Variants in GRM7 observed in about 807,000 individuals in gnomAD.
GRM7 encodes the protein glutamate metabotropic receptor 7, also known as metabotropic glutamate receptor 7.
Under a neutral mutation model 84.5 loss-of-function variants are expected in GRM7, and 35 were observed. The ratio of observed to expected loss-of-function variants is 0.41; its 90% CI spans 0.32 to 0.55. The LOEUF (loss-of-function observed/expected upper bound fraction) is 0.55, where lower values mean the gene tolerates loss of function less well. Among genes scored for constraint, GRM7 ranks in the 20% least tolerant of loss-of-function variants. GRM7 has a pLI of 0.19. For missense variants in GRM7, 1,003 were observed against 1,194.6 expected (o/e 0.84, Z 2.36); for synonymous variants, 487 against 455.1 (o/e 1.07, Z -0.89).
intron 4 of GRM7, among the ~76,000 whole-genome samples, chr3:7,325,101 A>C (rs143413428): frequency 4.6e-5 from 7 of 152,242 alleles, no homozygotes; most frequent in Admixed American, 3.3e-4. Flanking sequence ...CTTCCTTCTA[A>C]GCTTTTCCAG....
At chr3:7,473,120 T>C (rs1015395707) in intron 7 of GRM7, among the ~76,000 whole-genome samples, 1 of 152,148 alleles carries the variant, frequency 6.6e-6, no homozygotes, top group Non-Finnish European at 1.5e-5. Context: ...CTGAGAAAGC[T>C]ACCAAATTTT....
chr3:7,585,557 G>A (rs1559420967), intron 8 of GRM7, among the ~76,000 whole-genome samples: 1 of 152,156 alleles, frequency 6.6e-6, no homozygotes, highest in Non-Finnish European at 1.5e-5. Context: ...TTAATCACTG[G>A]AAGTTTGAAC....
intron 7 of GRM7, among the ~76,000 whole-genome samples, chr3:7,499,509 T>C (rs1322999347): frequency 6.6e-6 from 1 of 152,176 alleles, no homozygotes; most frequent in East Asian, 1.9e-4. Context: ...AAAGCTAATG[T>C]TTACTTGGAG....
At chr3:7,044,881 T>C (rs946794931) in intron 1 of GRM7, among the ~76,000 whole-genome samples, 3 of 152,186 alleles carry the variant, frequency 2.0e-5, no homozygotes, top group Non-Finnish European at 4.4e-5. Context: ...TTCTTTGGTG[T>C]TTATTTTATC....
chr3:7,050,665 G>T (rs1371323755), intron 1 of GRM7, among the ~76,000 whole-genome samples: 1 of 151,918 alleles, frequency 6.6e-6, no homozygotes, highest in African/African-American at 2.4e-5. Context: ...CAAAAGCAGG[G>T]AAGTGGGGAG....
chr3:7,163,172 A>G (rs899358057), intron 2 of GRM7, among the ~76,000 whole-genome samples: 2 of 152,178 alleles, frequency 1.3e-5, no homozygotes, highest in African/African-American at 4.8e-5. Context: ...GAAAAGACTC[A>G]GGCCTGTCTC....
chr3:7,348,845 G>A (rs1292916738), intron 4 of GRM7, among the ~76,000 whole-genome samples: 1 of 152,100 alleles, frequency 6.6e-6, no homozygotes, highest in South Asian at 2.1e-4. Context: ...TTGCTATGCT[G>A]TGGCCTCCTA....
At chr3:6,903,982 G>A (rs1235541316) in intron 1 of GRM7, among the ~76,000 whole-genome samples, 2 of 151,966 alleles carry the variant, frequency 1.3e-5, no homozygotes, top group African/African-American at 2.4e-5. Context: ...TTTTCATTTA[G>A]ATTTGTAGGT....
intron 2 of GRM7, among the ~76,000 whole-genome samples, chr3:7,261,898 C>CTTCCT (rs1217039509): frequency 4.5e-5 from 1 of 22,062 alleles, no homozygotes; most frequent in African/African-American, 1.7e-4. Flanking sequence ...CCCTCCCTCC[C>CTTCCT]TCCCTCCCTC....
At chr3:7,556,732 C>T (rs936616818) in intron 7 of GRM7, among the ~76,000 whole-genome samples, 1 of 152,128 alleles carries the variant, frequency 6.6e-6, no homozygotes, top group Non-Finnish European at 1.5e-5. Flanking sequence ...CATTGACAAT[C>T]ATTGACAATG....
intron 5 of GRM7, among the ~76,000 whole-genome samples, chr3:7,418,277 G>A (rs181545165): frequency 1.1e-4 from 16 of 152,234 alleles, no homozygotes; most frequent in South Asian, 6.2e-4. Flanking sequence ...CCTAATAACC[G>A]TTGATATAGA....
At chr3:7,249,369 C>T (rs1249633126) in intron 2 of GRM7, among the ~76,000 whole-genome samples, 1 of 151,930 alleles carries the variant, frequency 6.6e-6, no homozygotes, top group Non-Finnish European at 1.5e-5. Flanking sequence ...TTTCTTTGGC[C>T]TTTATAATTT....
At chr3:7,263,439 G>A (rs889069271) in intron 2 of GRM7, among the ~76,000 whole-genome samples, 15 of 152,114 alleles carry the variant, frequency 9.9e-5, no homozygotes, top group African/African-American at 3.4e-4. Context: ...GCATGGCAGG[G>A]TGCACCCTCA....
At chr3:7,485,064 G>C (rs1699270246) in intron 7 of GRM7, among the ~76,000 whole-genome samples, 1 of 152,132 alleles carries the variant, frequency 6.6e-6, no homozygotes, top group African/African-American at 2.4e-5. Flanking sequence ...CAACCACATG[G>C]TGAGCTTGCA....
At chr3:7,636,776 G>C (rs895737498) in intron 8 of GRM7, among the ~76,000 whole-genome samples, 71 of 152,112 alleles carry the variant, frequency 4.7e-4, no homozygotes, top group African/African-American at 1.7e-3. Context: ...TGCCCTAACT[G>C]ATCATGCCCA....
chr3:7,453,067 T>C (rs1333404857), intron 6 of GRM7, among the ~76,000 whole-genome samples: 3 of 151,824 alleles, frequency 2.0e-5, no homozygotes, highest in East Asian at 3.9e-4. Flanking sequence ...AATTCTTCTT[T>C]GGTGAATTTA....
intron 2 of GRM7, among the ~76,000 whole-genome samples, chr3:7,183,854 A>G (rs987247806): frequency 4.6e-5 from 7 of 152,174 alleles, no homozygotes; most frequent in African/African-American, 1.4e-4. Flanking sequence ...AATAAAATAA[A>G]TCAGTATGAA....
At chr3:7,074,159 G>A (rs1697984614) in intron 1 of GRM7, among the ~76,000 whole-genome samples, 1 of 152,194 alleles carries the variant, frequency 6.6e-6, no homozygotes, top group Non-Finnish European at 1.5e-5. Flanking sequence ...GAGTTTACAT[G>A]TGTTGTCTCA....
At chr3:7,289,934 CCAA>C (rs1699562061) in intron 2 of GRM7, among the ~76,000 whole-genome samples, 3 of 151,582 alleles carry the variant, frequency 2.0e-5, no homozygotes, top group Admixed American at 2.0e-4. Flanking sequence ...GTGCAGCACA[CCAA>C]CATGGCACAT....
Sources: allele counts gnomAD v4.1 joint callset (sites outside exome capture counted in the v4.1 genomes callset), GRCh38; gene constraint gnomAD v4.1.1; transcripts MANE v1.5; gene names NCBI Gene and HGNC (gene_info 2026-07-23, HGNC 2026-07-21).